The following BRD7 variants were observed in gnomAD, a reference collection of about 807,000 sequenced individuals.
The protein encoded by BRD7 is bromodomain containing 7.
Under a neutral mutation model 82.1 loss-of-function variants are expected in BRD7, and 15 were observed. That is an observed-to-expected ratio of 0.18 (90% CI 0.12 to 0.28). The LOEUF is 0.28. Ranked by LOEUF, BRD7 falls within the 10% of genes least tolerant of loss-of-function variation. The probability of loss-of-function intolerance (pLI) is 1.00; values close to 1 mark genes in which losing one functional copy is unlikely to be tolerated. For synonymous variants in BRD7, 232 were observed against 266.9 expected (o/e 0.87, Z 1.27); for missense variants, 638 against 779.9 (o/e 0.82, Z 2.17).
chr16:50,318,927 T>C lies in BRD7; in HGVS notation c.*284A>G. 2 of 323,768 alleles carry C rather than the reference T, an allele frequency of 6.2e-6. No individual in the cohort carries two copies. Among genetic ancestry groups the C allele is most frequent in the Non-Finnish European group, 1.1e-5 (2 of 177,202 alleles). 20.1% of individuals were successfully genotyped at this position (323,768 alleles called of 1,614,324 possible). A position where few individuals can be genotyped will look rare whatever the true frequency, so the allele number is the denominator to read the frequency against. On this transcript the variant is annotated 3_prime_UTR_variant, in exon 17 of 17. Transcript: ENST00000394688. Reference sequence around the variant, plus strand: ...ATGGGGCCGTTTTAAGAACGCTTCTTAGTGATGATCCTGTCTGTGGGACAT... The same window carrying C: ...ATGGGGCCGTTTTAAGAACGCTTCTCAGTGATGATCCTGTCTGTGGGACAT...
chr16:50,368,204 G>A lies in BRD7; in HGVS notation c.144C>T (p.Leu48=), dbSNP rs1449153627. 3.1e-6 allele frequency: 5 copies of A among 1,614,096 alleles called. No homozygotes were observed. Among genetic ancestry groups the A allele is most frequent in the Non-Finnish European group, 4.2e-6 (5 of 1,180,046 alleles). ...STGSSGHDSS[L]FEDKNDHDKH... ...TGTCATGATCGTTTTTGTCTTCGAAGAGGCTGGAGTCGTGCCCCGAGCTGC... is the reference window on the plus strand; with the variant it reads ...TGTCATGATCGTTTTTGTCTTCGAAAAGGCTGGAGTCGTGCCCCGAGCTGC... The change falls in exon 2 of 17, where the codon CTC becomes CTT. Residue 48 remains leucine (L), a synonymous_variant. Coordinates refer to ENST00000394688, the MANE Select transcript of BRD7 (RefSeq NM_013263.5).
intron 14 of BRD7, 42 bp downstream of exon 14, chr16:50,320,621 A>T: frequency 6.8e-7 from 1 of 1,476,352 alleles, no homozygotes; most frequent in Non-Finnish European, 9.5e-7. Context: ...TTGACTGCCT[A>T]CATCATGCAG....
chr16:50,363,554 T>C (rs1324982100), intron 2 of BRD7, among the ~76,000 whole-genome samples: 1 of 152,220 alleles, frequency 6.6e-6, no homozygotes, highest in African/African-American at 2.4e-5. Context: ...CATTTTAAAC[T>C]AATATAGTTA....
At chr16:50,323,478 C>G (rs991349207) in intron 12 of BRD7, 109 bp downstream of exon 12, 37 of 934,154 alleles carry the variant, frequency 4.0e-5, no homozygotes, top group Non-Finnish European at 5.8e-5. Context: ...CTTTCAGGGC[C>G]ACAGAGTTCA....
chr16:50,366,244 G>A (rs1272061080), intron 2 of BRD7, among the ~76,000 whole-genome samples: 1 of 152,156 alleles, frequency 6.6e-6, no homozygotes, highest in Non-Finnish European at 1.5e-5. Flanking sequence ...CTAGAGTTAA[G>A]AGTCCACCAG....
At chr16:50,363,816 G>A (rs1206804117) in intron 2 of BRD7, among the ~76,000 whole-genome samples, 6 of 152,098 alleles carry the variant, frequency 3.9e-5, no homozygotes, top group African/African-American at 1.4e-4. Flanking sequence ...GTACTTTTGG[G>A]AGGCTGAGGT....
At chr16:50,351,140 C>T (rs2038505635) in intron 4 of BRD7, among the ~76,000 whole-genome samples, 1 of 152,102 alleles carries the variant, frequency 6.6e-6, no homozygotes, top group Non-Finnish European at 1.5e-5. Flanking sequence ...AACATATTTA[C>T]CATGTTGCTA....
At chr16:50,368,011 T>TA in intron 2 of BRD7, 79 bp downstream of exon 2, 1 of 1,425,216 alleles carries the variant, frequency 7.0e-7, no homozygotes, top group South Asian at 1.2e-5. Context: ...TTTCCCCAGA[T>TA]ACAAAGAAAA....
rs2036893991 is a variant in BRD7, at chr16:50,318,029, ATATT to A, written c.*1178_*1181del. On this transcript the variant is annotated 3_prime_UTR_variant, in exon 17 of 17. Coordinates refer to ENST00000394688, the MANE Select transcript of BRD7 (RefSeq NM_013263.5). ...AACTAGGGTTTATTCTATATAATGA[ATATT>A]TATAGATCTGTAACATTTGTTTCAA... 1 of 152,334 alleles carries A rather than the reference ATATT, an allele frequency of 6.6e-6. No individual in the cohort carries two copies. Among genetic ancestry groups the A allele is most frequent in the Admixed American group, 6.5e-5 (1 of 15,284 alleles). The allele number at this position is 152,334 out of a possible 1,614,324, so 9.4% of individuals were successfully genotyped here.
In BRD7 at chr16:50,320,678, C is replaced by A. The variant is rs1472564639; in HGVS notation, c.1597G>T (p.Val533Phe). 5.0e-6 allele frequency: 8 copies of A among 1,613,958 alleles called. No individual in the cohort carries two copies. Among genetic ancestry groups the A allele is most frequent in the Non-Finnish European group, 3.4e-6 (4 of 1,179,900 alleles). The change falls in exon 14 of 17, where the codon GTT becomes TTT. Residue 533 changes from valine to phenylalanine, a missense_variant. Val to Phe is a conservative substitution (Grantham distance 50). This residue lies in a region of BRD7 where 402 missense variants were observed against 500.8 expected (regional missense o/e 0.80). Transcript: ENST00000394688. ...AGACACTTACCTTCAGAGTCAAAAA[C>A]TTCAACTGGAACGCCAAAATTTGTT... ...AVTNFGVPVE[V>F]FDSEEAEIFQ...
chr16:50,352,849 C>A (rs1378345659), intron 4 of BRD7, among the ~76,000 whole-genome samples: 1 of 151,720 alleles, frequency 6.6e-6, no homozygotes, highest in Non-Finnish European at 1.5e-5. Context: ...TAAGTCATTT[C>A]TTTTAAGGTG....
intron 1 of BRD7, 23 bp downstream of exon 1, chr16:50,368,703 C>T (rs1265997722): frequency 7.7e-6 from 12 of 1,551,002 alleles, no homozygotes; most frequent in Non-Finnish European, 1.0e-5. Flanking sequence ...GGCCCGCCGC[C>T]CGCACCCCGG....
At chr16:50,319,621 CA>C (rs1317372261) in intron 16 of BRD7, among the ~76,000 whole-genome samples, 1 of 151,816 alleles carries the variant, frequency 6.6e-6, no homozygotes, top group African/African-American at 2.4e-5. Flanking sequence ...AAAAATACAA[CA>C]AACAATGAAA....
At chr16:50,340,759 G>C (rs887391417) in intron 5 of BRD7, among the ~76,000 whole-genome samples, 2 of 152,092 alleles carry the variant, frequency 1.3e-5, no homozygotes, top group African/African-American at 4.8e-5. Context: ...TACCAAAACT[G>C]TCTTTTTGGC....
chr16:50,337,253 CTTCTT>C (rs1433106898), intron 6 of BRD7, among the ~76,000 whole-genome samples: 5 of 117,946 alleles, frequency 4.2e-5, no homozygotes, highest in African/African-American at 9.0e-5. Flanking sequence ...TCTGTTCATT[CTTCTT>C]TTTTTTTTTT....
intron 6 of BRD7, among the ~76,000 whole-genome samples, chr16:50,337,176 CTTTG>C (rs1177703455): frequency 6.6e-6 from 1 of 150,994 alleles, no homozygotes; most frequent in Non-Finnish European, 1.5e-5. Flanking sequence ...GTTTGTACTA[CTTTG>C]TTTGTACTAC....
chr16:50,348,247 T>C (rs1337984315), intron 5 of BRD7, among the ~76,000 whole-genome samples: 1 of 152,162 alleles, frequency 6.6e-6, no homozygotes, highest in African/African-American at 2.4e-5. Context: ...TTACACCTTA[T>C]ACAAAAATTA....
At chr16:50,324,186 GTCT>G (rs890830474) in intron 11 of BRD7, among the ~76,000 whole-genome samples, 9 of 152,098 alleles carry the variant, frequency 5.9e-5, no homozygotes, top group African/African-American at 2.2e-4. Flanking sequence ...AGCAACTGCA[GTCT>G]TCCAGGCTCA....
chr16:50,343,204 G>A (rs1322209433), intron 5 of BRD7, among the ~76,000 whole-genome samples: 2 of 152,214 alleles, frequency 1.3e-5, no homozygotes, highest in Admixed American at 6.5e-5. Flanking sequence ...CCAATCTCAT[G>A]TTGAATTGTA....
Sources: gnomAD v4.1 joint callset for allele counts (sites outside exome capture counted in the v4.1 genomes callset) on GRCh38, gnomAD v4.1.1 for gene constraint, gnomAD v4.1.1 regional missense constraint, MANE v1.5 for transcripts, NCBI Gene and HGNC (gene_info 2026-07-23, HGNC 2026-07-21) for gene names.